The following NAALADL2 variants were observed in gnomAD, a reference collection of about 807,000 sequenced individuals.
The protein encoded by NAALADL2 is inactive N-acetylated-alpha-linked acidic dipeptidase-like protein 2.
NAALADL2 carries 76 observed loss-of-function variants against 87.2 expected under a neutral mutation model. That is an observed-to-expected ratio of 0.87 (90% CI 0.72 to 1.05). The LOEUF (loss-of-function observed/expected upper bound fraction) is 1.05. Ranked by LOEUF, NAALADL2 falls within the 50% of genes least tolerant of loss-of-function variation. The pLI, the probability that NAALADL2 is intolerant of heterozygous loss-of-function variation, is 0.00. For missense variants in NAALADL2, 1,089 were observed against 945.8 expected, an observed-to-expected ratio of 1.15 and a Z score of -1.99; for synonymous variants, 354 against 331.0, an observed-to-expected ratio of 1.07 and a Z score of -0.75.
intron 1 of NAALADL2, among the ~76,000 whole-genome samples, chr3:174,989,406 C>T (rs1481233787): frequency 2.0e-5 from 3 of 152,014 alleles, no homozygotes; most frequent in Admixed American, 6.6e-5. Flanking sequence ...CATTTTGTTT[C>T]GTAAAAGGCC....
chr3:174,645,371 C>T (rs997696854), intron 2 of NAALADL2, among the ~76,000 whole-genome samples: 6 of 152,144 alleles, frequency 3.9e-5, no homozygotes, highest in African/African-American at 7.2e-5. Context: ...GGAGTTTCAG[C>T]TTTGTTTTAA....
intron 2 of NAALADL2, among the ~76,000 whole-genome samples, chr3:174,645,851 G>C (rs961489672): frequency 2.6e-5 from 4 of 152,038 alleles, no homozygotes; most frequent in African/African-American, 9.7e-5. Context: ...AAATTTTATG[G>C]ATCAAATGGA....
At chr3:174,873,215 C>G (rs1728065332) in intron 1 of NAALADL2, among the ~76,000 whole-genome samples, 2 of 150,198 alleles carry the variant, frequency 1.3e-5, no homozygotes, top group Admixed American at 1.3e-4. Context: ...CTCTCTCTCT[C>G]TCTGTGTACA....
intron 2 of NAALADL2, among the ~76,000 whole-genome samples, chr3:174,681,126 G>A (rs1423487671): frequency 1.3e-5 from 2 of 152,182 alleles, no homozygotes; most frequent in East Asian, 3.9e-4. Flanking sequence ...GCTGATGCCT[G>A]TGGAGGGAGC....
intron 10 of NAALADL2, among the ~76,000 whole-genome samples, chr3:175,583,170 T>TA (rs1720028438): frequency 6.6e-6 from 1 of 152,166 alleles, no homozygotes; most frequent in Non-Finnish European, 1.5e-5. Context: ...CAGCTTATTA[T>TA]AAAATAGACT....
rs28716583 is a variant in NAALADL2, at chr3:175,620,966, T to A, written c.1801-6325T>A. 4.0e-3 allele frequency among the ~76,000 whole-genome samples: 614 copies of A among 152,276 alleles called. 3 individuals carry two copies. Among genetic ancestry groups the A allele is most frequent in the African/African-American group, 0.014 (571 of 41,578 alleles). On this transcript the variant is annotated intron_variant, in intron 10 of 13. Transcript: ENST00000454872. The stretch of plus-strand genomic sequence containing the variant: ...AAGCGGGTAAGTCTGTGAGGCTGTC[T>A]AGGGTTTTTATAGGTTTGGAATAAG...
chr3:175,327,464 T>A (rs1760878842), intron 5 of NAALADL2, among the ~76,000 whole-genome samples: 1 of 152,140 alleles, frequency 6.6e-6, no homozygotes, highest in Non-Finnish European at 1.5e-5. Context: ...CTCAACTGTC[T>A]GCATTTCTAC....
intron 9 of NAALADL2, among the ~76,000 whole-genome samples, chr3:175,522,262 T>G (rs1732757457): frequency 6.6e-6 from 1 of 152,184 alleles, no homozygotes; most frequent in Non-Finnish European, 1.5e-5. Context: ...ATTTCATTAG[T>G]TGTTTTAATA....
intron 11 of NAALADL2, among the ~76,000 whole-genome samples, chr3:175,639,230 C>A (rs1026572110): frequency 2.0e-5 from 3 of 151,924 alleles, no homozygotes; most frequent in Non-Finnish European, 4.4e-5. Context: ...AACAGGTGCA[C>A]CTGTTAACTA....
At chr3:175,678,789 G>A (rs1287064407) in intron 11 of NAALADL2, among the ~76,000 whole-genome samples, 3 of 152,044 alleles carry the variant, frequency 2.0e-5, no homozygotes, top group African/African-American at 7.2e-5. Flanking sequence ...TGAGTTAATG[G>A]GTGCAGCACA....
Position 175,007,154 on chromosome 3 carries a change from A to T in NAALADL2, c.44-89636A>T, listed in dbSNP as rs867895854. 9.9e-4 allele frequency among the ~76,000 whole-genome samples: 148 copies of T among 149,998 alleles called. 1 individual carries two copies. The South Asian group carries it at 0.015, about 15-fold the overall frequency. On this transcript the variant is annotated intron_variant, in intron 1 of 13. Coordinates refer to ENST00000454872, the MANE Select transcript of NAALADL2 (RefSeq NM_207015.3). ...TAATTAATTTCTTTTATAGGATAAA[A>T]AAAAAAAAAAAAAAAAAGCTACTCT...
intron 11 of NAALADL2, among the ~76,000 whole-genome samples, chr3:175,650,427 A>G (rs958646695): frequency 6.6e-6 from 1 of 152,208 alleles, no homozygotes; most frequent in Non-Finnish European, 1.5e-5. Context: ...AGTAGGATGC[A>G]CAACTCTTTA....
At chr3:175,128,943 G>C (rs1029243358) in intron 2 of NAALADL2, among the ~76,000 whole-genome samples, 4 of 151,362 alleles carry the variant, frequency 2.6e-5, no homozygotes, top group Non-Finnish European at 5.9e-5. Flanking sequence ...TTGTTTGTTT[G>C]TTTGTTTGTT....
At chr3:175,405,329 G>A (rs914792254) in intron 5 of NAALADL2, among the ~76,000 whole-genome samples, 20 of 152,044 alleles carry the variant, frequency 1.3e-4, no homozygotes, top group African/African-American at 4.8e-4. Context: ...GTAGATACAT[G>A]ATTCTAAATT....
At chr3:175,464,352 A>T (rs1344010410) in intron 7 of NAALADL2, among the ~76,000 whole-genome samples, 1 of 150,500 alleles carries the variant, frequency 6.6e-6, no homozygotes, top group Non-Finnish European at 1.5e-5. Context: ...TGAATCTGGG[A>T]GGCGGAGGTT....
chr3:174,910,054 C>G (rs1020240566), intron 1 of NAALADL2, among the ~76,000 whole-genome samples: 1 of 151,938 alleles, frequency 6.6e-6, no homozygotes, highest in Non-Finnish European at 1.5e-5. Flanking sequence ...TACTGTAGCA[C>G]AAATAAAATA....
At position 175,070,963 on chromosome 3, in the gene NAALADL2, T is replaced by A. The variant is rs114562257; in HGVS notation, c.44-25827T>A. 4.0e-3 allele frequency among the ~76,000 whole-genome samples: 607 copies of A among 152,178 alleles called. 8 individuals carry two copies. The highest frequency in any genetic ancestry group is 0.014 in the African/African-American group (583 of 41,544). ...CTTTTTAAGACATACGATCTCAGTG[T>A]TATAAAATAGATGTCATTCAAGATG... On this transcript the variant is annotated intron_variant, in intron 1 of 13. Coordinates refer to ENST00000454872, the MANE Select transcript of NAALADL2 (RefSeq NM_207015.3).
At chr3:175,032,159 T>G (rs1319152607) in intron 1 of NAALADL2, among the ~76,000 whole-genome samples, 1 of 152,164 alleles carries the variant, frequency 6.6e-6, no homozygotes, top group Non-Finnish European at 1.5e-5. Context: ...TGCAATTGCT[T>G]TTGTATAGTT....
At chr3:174,508,633 G>A (rs1254243982) in intron 1 of NAALADL2, among the ~76,000 whole-genome samples, 1 of 152,252 alleles carries the variant, frequency 6.6e-6, no homozygotes, top group South Asian at 2.1e-4. Context: ...TTCACTTATT[G>A]ATGTCATTTT....
Sources: gnomAD v4.1 joint callset for allele counts (sites outside exome capture counted in the v4.1 genomes callset) on GRCh38, gnomAD v4.1.1 for gene constraint, MANE v1.5 for transcripts, NCBI Gene and HGNC (gene_info 2026-07-23, HGNC 2026-07-21) for gene names.